The following NRBP2 variants were observed in gnomAD, a reference collection of about 807,000 sequenced individuals.
NRBP2 encodes the protein nuclear receptor-binding protein 2.
A neutral mutation model predicts 74.4 loss-of-function variants in NRBP2; 47 were observed. The observed-to-expected ratio is 0.63, with a 90% CI of 0.50 to 0.81. The LOEUF is 0.81. Ranked by LOEUF, NRBP2 falls within the 30% of genes least tolerant of loss-of-function variation. NRBP2 has a pLI of 0.00. For missense variants in NRBP2, 613 were observed against 690.1 expected (o/e 0.89, Z 1.25); for synonymous variants, 312 against 273.8 (o/e 1.14, Z -1.38).
Position 143,840,346 on chromosome 8 carries a change from A to C in NRBP2, c.130-117T>G. On this transcript the variant is annotated intron_variant, in intron 1 of 17. Coordinates refer to ENST00000442628, the MANE Select transcript of NRBP2 (RefSeq NM_178564.4). The surrounding 1 kb of genome is among the most constrained non-coding windows in gnomAD (Gnocchi z 5.7). ...AAGCGTGGGCTGCAGGCCCTGAGCC[A>C]CTCTGCGGGAAGGTGGGGCTTGGAG... is the stretch of plus-strand genomic sequence containing the variant. 1 of 1,364,500 alleles carries C rather than the reference A, an allele frequency of 7.3e-7. No homozygotes were observed. Among genetic ancestry groups the C allele is most frequent in the Non-Finnish European group, 9.8e-7 (1 of 1,016,952 alleles). The allele number at this position is 1,364,500 out of a possible 1,614,324, so 84.5% of individuals were successfully genotyped here.
In NRBP2 at chr8:143,837,062, G is replaced by A. The variant is rs782668304; in HGVS notation, c.1240C>T (p.Pro414Ser). Residue 414 changes from proline (P) to serine (S), a missense_variant, in exon 14 of 18, where the codon CCC (proline) becomes TCC (serine). Physicochemically the swap from Pro to Ser is moderately conservative, Grantham distance 74. Transcript: ENST00000442628. The surrounding 1 kb of genome is among the most constrained non-coding windows in gnomAD (Gnocchi z 4.3). The stretch of plus-strand genomic sequence containing the variant: ...ACCTTTCTGGTCTCAGAGTCAAAGG[G>A]CTCTGGCGTCGGGGTCTTGGCCTTT... ...VQKAKTPTPE[P>S]FDSETRKVIQ... 1 of 1,611,690 alleles carries A rather than the reference G, an allele frequency of 6.2e-7. No individual in the cohort carries two copies. Among genetic ancestry groups the A allele is most frequent in the Non-Finnish European group, 8.5e-7 (1 of 1,179,212 alleles).
At chr8:143,831,579 C>G (rs928890817), downstream of NRBP2, among the ~76,000 whole-genome samples, 1 of 152,222 alleles carries the variant, frequency 6.6e-6, no homozygotes, top group Non-Finnish European at 1.5e-5. Context: ...TGTGATCACA[C>G]CACTGCACTC....
downstream of NRBP2, among the ~76,000 whole-genome samples, chr8:143,830,470 T>C (rs1259681617): frequency 1.3e-5 from 2 of 152,238 alleles, no homozygotes; most frequent in African/African-American, 2.4e-5. Context: ...TGGGAGTAAG[T>C]GAGACTCTGG....
In NRBP2 at chr8:143,836,185, A is replaced by C; in HGVS notation, c.1264-5T>G. On this transcript the variant is annotated splice_region_variant and splice_polypyrimidine_tract_variant and intron_variant, in intron 14 of 17. Transcript: ENST00000442628. ...GTTGCACTGCATCTGGATGACCTGC[A>C]GCGGGGGAAGGCTGGGACTCACAAA... The C allele has an allele frequency of 6.5e-7, 1 of 1,548,000 alleles. No homozygotes were observed. The highest frequency in any genetic ancestry group is 1.4e-5 in the African/African-American group (1 of 70,572).
chr8:143,840,785 T>C lies in NRBP2; in HGVS notation c.50A>G (p.Glu17Gly). 1 of 1,503,736 alleles carries C rather than the reference T, an allele frequency of 6.7e-7. No homozygotes were observed. Among genetic ancestry groups the C allele is most frequent in the Non-Finnish European group, 8.8e-7 (1 of 1,132,332 alleles). 93.1% of individuals were successfully genotyped at this position (1,503,736 alleles called of 1,614,324 possible). ...CTCGTCCTCGCTCTCGTCCTCCCGC[T>C]CCCGCTCCCGTTCCCGGGCCCGCCT... The part of the protein sequence containing the change: ...APRRARERER[E>G]REDESEDESD... The change falls in exon 1 of 18, where the codon GAG (glutamate) becomes GGG (glycine). Residue 17 changes from glutamate to glycine, a missense_variant. Physicochemically the swap from Glu to Gly is moderately conservative, Grantham distance 98. Around this residue, in one of 2 missense-constraint regions of NRBP2, gnomAD observed 332 missense variants for 429.2 expected, o/e 0.77. Transcript: ENST00000442628. The surrounding 1 kb of genome is among the most constrained non-coding windows in gnomAD (Gnocchi z 5.7).
downstream of NRBP2, among the ~76,000 whole-genome samples, chr8:143,831,305 CCAT>C (rs782311586): frequency 1.3e-5 from 2 of 152,368 alleles, no homozygotes; most frequent in Non-Finnish European, 2.9e-5. Flanking sequence ...CTTGCCACCA[CCAT>C]GACTGCATCT....
intron 10 of NRBP2, chr8:143,838,037 A>G (rs1703135337): frequency 3.0e-6 from 2 of 670,680 alleles, no homozygotes; most frequent in Non-Finnish European, 5.5e-6. Flanking sequence ...CACACCTGCA[A>G]GCCTCCTACC....
Position 143,835,670 on chromosome 8 carries a change from G to C in NRBP2, c.1498C>G (p.Gln500Glu). 1 of 1,592,216 alleles carries C rather than the reference G, an allele frequency of 6.3e-7. No homozygotes were observed. The highest frequency in any genetic ancestry group is 1.1e-5 in the South Asian group (1 of 87,820). ...ESTFLKYRGTQA is the reference protein window; with the variant it reads ...ESTFLKYRGTEA ...GGGGCTGGGGCTCCGGGTCAGGCCTGGGTCCCACGGTACTTGAGGAAGGTG... is the reference window on the plus strand; with the variant it reads ...GGGGCTGGGGCTCCGGGTCAGGCCTCGGTCCCACGGTACTTGAGGAAGGTG... The change falls in exon 18 of 18, where the codon CAG (glutamine) becomes GAG (glutamate). Residue 500 changes from glutamine (Q) to glutamate (E), a missense_variant. Gln to Glu is a conservative substitution (Grantham distance 29). Transcript: ENST00000442628. The surrounding 1 kb of genome is among the most constrained non-coding windows in gnomAD (Gnocchi z 4.9).
chr8:143,838,428 G>T (rs1471316236), intron 10 of NRBP2, among the ~76,000 whole-genome samples: 1 of 152,240 alleles, frequency 6.6e-6, no homozygotes, highest in Admixed American at 6.5e-5. Context: ...TATAAAACGG[G>T]CATGGTGATG....
In NRBP2 at chr8:143,840,238, G is replaced by T; in HGVS notation, c.130-9C>A. On this transcript the variant is annotated splice_polypyrimidine_tract_variant and intron_variant, in intron 1 of 17. Coordinates refer to ENST00000442628, the MANE Select transcript of NRBP2 (RefSeq NM_178564.4). The surrounding 1 kb of genome is among the most constrained non-coding windows in gnomAD (Gnocchi z 5.7). ...ATGTTCCCTTGGTTTACCTGGGGGT[G>T]AATAAAGGGTTATGTGTGCCCTGGT... 6.5e-7 allele frequency: 1 copy of T among 1,535,890 alleles called. No individual in the cohort carries two copies. Among genetic ancestry groups the T allele is most frequent in the Non-Finnish European group, 8.7e-7 (1 of 1,146,782 alleles).
At position 143,839,804 on chromosome 8, in the gene NRBP2, C is replaced by T; in HGVS notation, c.376G>A (p.Val126Met). 1 of 1,536,094 alleles carries T rather than the reference C, an allele frequency of 6.5e-7. No individual in the cohort carries two copies. Among genetic ancestry groups the T allele is most frequent in the Non-Finnish European group, 8.7e-7 (1 of 1,146,898 alleles). ...CARVIFITEY[V>M]SSGSLKQFLK... is the part of the protein sequence containing the mutation. Reference sequence around the variant, plus strand: ...AATTGCTTGAGGCTGCCTGATGACACGTACTCTGTGATGAAGATGACCTGC... The same window carrying T: ...AATTGCTTGAGGCTGCCTGATGACATGTACTCTGTGATGAAGATGACCTGC... Residue 126 changes from valine (V) to methionine (M), a missense_variant, in exon 4 of 18, where the codon GTG becomes ATG. Coordinates refer to ENST00000442628, the MANE Select transcript of NRBP2 (RefSeq NM_178564.4). This position sits in a 1 kb window ranked among gnomAD's most constrained non-coding sequence, Gnocchi z 5.1.
Position 143,839,414 on chromosome 8 carries a change from G to A in NRBP2, c.486-6C>T, listed in dbSNP as rs1247243897. 1 of 1,559,440 alleles carries A rather than the reference G, an allele frequency of 6.4e-7. No individual in the cohort carries two copies. The highest frequency in any genetic ancestry group is 1.8e-5 in the Admixed American group (1 of 54,378). ...GGCTGCAGGCGTGCAGGAAGCTGCA[G>A]ACGTTGGGGAGGGGAGAGTAGGAGG... On this transcript the variant is annotated splice_region_variant and splice_polypyrimidine_tract_variant and intron_variant, in intron 5 of 17. Transcript: ENST00000442628. This position sits in a 1 kb window ranked among gnomAD's most constrained non-coding sequence, Gnocchi z 5.1.
In NRBP2 at chr8:143,840,379, GC is replaced by G; in HGVS notation, c.130-151del. On this transcript the variant is annotated intron_variant, in intron 1 of 17. Transcript: ENST00000442628. The surrounding 1 kb of genome is among the most constrained non-coding windows in gnomAD (Gnocchi z 5.7). ...GGAAGGTGGGGCTTGGAGGGTAGCT[GC>G]CCCCAGGAGCCAAGGGCTCCTATCC... 2 of 1,054,744 alleles carry G rather than the reference GC, an allele frequency of 1.9e-6. No individual in the cohort carries two copies. The highest frequency in any genetic ancestry group is 2.7e-6 in the Non-Finnish European group (2 of 749,152). 65.3% of individuals were successfully genotyped at this position (1,054,744 alleles called of 1,614,324 possible). A position where few individuals can be genotyped will look rare whatever the true frequency, so the allele number is the denominator to read the frequency against.
In NRBP2 at chr8:143,839,550, CTGGCGGCGGACGCACGACT is replaced by C; in HGVS notation, c.445-20_445-2del. On this transcript the variant is annotated splice_acceptor_variant and splice_polypyrimidine_tract_variant and intron_variant, in intron 4 of 17. Transcript: ENST00000442628. LOFTEE classifies it high-confidence loss of function. The surrounding 1 kb of genome is among the most constrained non-coding windows in gnomAD (Gnocchi z 5.1). ...TCTGCGTGCACCAGCGCTTCCAGGC[CTGGCGGCGGACGCACGACT>C]CCGTCGGTCGGGTGGGCGCAGGAGA... 6.5e-7 allele frequency: 1 copy of C among 1,530,938 alleles called. No homozygotes were observed. Among genetic ancestry groups the C allele is most frequent in the Non-Finnish European group, 8.7e-7 (1 of 1,144,826 alleles). The allele number at this position is 1,530,938 out of a possible 1,614,324, so 94.8% of individuals were successfully genotyped here. A position where few individuals can be genotyped will look rare whatever the true frequency, so the allele number is the denominator to read the frequency against.
In NRBP2 at chr8:143,838,718, C is replaced by CA. The variant is rs782163705; in HGVS notation, c.801dup (p.Ala268CysfsTer9). ...TCACTCAGCGAGTGCCTGGCGCGAG[C>CA]AATGGCCTCCTCTGTGACCCGGGTG... On this transcript the variant is annotated frameshift_variant, in exon 10 of 18. Transcript: ENST00000442628. LOFTEE classifies it high-confidence loss of function. 7.4e-6 allele frequency: 12 copies of CA among 1,612,844 alleles called. No homozygotes were observed. The highest frequency in any genetic ancestry group is 1.0e-5 in the Non-Finnish European group (12 of 1,179,528).
At chr8:143,832,436 A>T (rs1187206613), downstream of NRBP2, among the ~76,000 whole-genome samples, 4 of 152,038 alleles carry the variant, frequency 2.6e-5, no homozygotes, top group African/African-American at 9.7e-5. Flanking sequence ...AGGATTAGTA[A>T]AAGAGGAAGG....
At position 143,840,916 on chromosome 8, in the gene NRBP2, A is replaced by G; in HGVS notation, c.-82T>C. ...CCCGGCCCGCCCTGGCCTCGCGCCC[A>G]GCAGCCCAGCCTAGAGCCGCCGCGG... On this transcript the variant is annotated 5_prime_UTR_variant, in exon 1 of 18. Coordinates refer to ENST00000442628, the MANE Select transcript of NRBP2 (RefSeq NM_178564.4). The surrounding 1 kb of genome is among the most constrained non-coding windows in gnomAD (Gnocchi z 5.7). 2.5e-6 allele frequency: 3 copies of G among 1,210,138 alleles called. No individual in the cohort carries two copies. Among genetic ancestry groups the G allele is most frequent in the Non-Finnish European group, 3.1e-6 (3 of 978,468 alleles). The allele number at this position is 1,210,138 out of a possible 1,614,324, so 75.0% of individuals were successfully genotyped here.
At position 143,834,015 on chromosome 8, in the gene NRBP2, TG is replaced by T. The variant is rs1818258213; in HGVS notation, c.*1646del. On this transcript the variant is annotated 3_prime_UTR_variant, in exon 18 of 18. Coordinates refer to ENST00000442628, the MANE Select transcript of NRBP2 (RefSeq NM_178564.4). Reference sequence around the variant, plus strand: ...AAGTCTTGCTTTGGTTTTTGGCTTTTGGTTGGAGTGCTGTGGTCAGCAGAAT... The same window carrying T: ...AAGTCTTGCTTTGGTTTTTGGCTTTTGTTGGAGTGCTGTGGTCAGCAGAAT... 1 of 152,272 alleles carries T rather than the reference TG, an allele frequency of 6.6e-6. No individual in the cohort carries two copies. Among genetic ancestry groups the T allele is most frequent in the Non-Finnish European group, 1.5e-5 (1 of 68,042 alleles). The allele number at this position is 152,272 out of a possible 1,614,324, so 9.4% of individuals were successfully genotyped here. A position where few individuals can be genotyped will look rare whatever the true frequency, so the allele number is the denominator to read the frequency against.
intron 10 of NRBP2, among the ~76,000 whole-genome samples, 182 bp downstream of exon 10, chr8:143,838,498 G>A (rs1157468206): frequency 3.9e-5 from 6 of 152,226 alleles, no homozygotes; most frequent in African/African-American, 1.4e-4. Flanking sequence ...TGACCCCTTA[G>A]GGCCTTCAGG....
Sources: gnomAD v4.1 joint callset for allele counts (sites outside exome capture counted in the v4.1 genomes callset) on GRCh38, gnomAD v4.1.1 for gene constraint, gnomAD v4.1.1 regional missense constraint, Gnocchi (gnomAD v3.1) non-coding constraint, MANE v1.5 for transcripts, NCBI Gene and HGNC (gene_info 2026-07-23, HGNC 2026-07-21) for gene names.